SUCLA2: variants seen among roughly 807,000 people sequenced by gnomAD.
The protein encoded by SUCLA2 is succinate-CoA ligase ADP-forming subunit beta.
SUCLA2 carries 30 observed loss-of-function variants against 54.8 expected under a neutral mutation model. That is an observed-to-expected ratio of 0.55 (90% CI 0.41 to 0.74). The LOEUF is 0.74. SUCLA2 is among the 30% of genes least tolerant of loss of function. SUCLA2 has a pLI of 0.00. For synonymous variants in SUCLA2, 172 were observed against 188.9 expected (o/e 0.91, Z 0.74); for missense variants, 476 against 562.9 (o/e 0.85, Z 1.56).
chr13:47,967,142 A>T (rs1949925857), intron 6 of SUCLA2, among the ~76,000 whole-genome samples: 3 of 152,190 alleles, frequency 2.0e-5, no homozygotes. Flanking sequence ...GTGACTCAGT[A>T]TTAAGGTTTT....
intron 2 of SUCLA2, among the ~76,000 whole-genome samples, chr13:47,995,058 A>G (rs1198015638): frequency 1.3e-5 from 2 of 152,220 alleles, no homozygotes; most frequent in African/African-American, 4.8e-5. Flanking sequence ...TAAAGAAACC[A>G]ATTATAATAC....
chr13:47,952,285 G>C (rs1949782521), intron 8 of SUCLA2, among the ~76,000 whole-genome samples: 1 of 151,844 alleles, frequency 6.6e-6, no homozygotes, highest in African/African-American at 2.4e-5. Context: ...TTTTCATTTG[G>C]GTTTTCCTTC....
intron 1 of SUCLA2, 183 bp downstream of exon 1, chr13:48,000,997 C>T: frequency 6.9e-7 from 1 of 1,449,860 alleles, no homozygotes; most frequent in Non-Finnish European, 9.1e-7. Context: ...CAGAGCCGCG[C>T]AAACATGGGC....
chr13:47,998,897 C>T (rs182720651), intron 1 of SUCLA2, among the ~76,000 whole-genome samples: 22 of 152,218 alleles, frequency 1.4e-4, no homozygotes, highest in African/African-American at 2.6e-4. Flanking sequence ...ATAAATTATA[C>T]GTCAAAATAA....
At chr13:47,959,035 G>A (rs1949845318) in intron 6 of SUCLA2, among the ~76,000 whole-genome samples, 1 of 152,162 alleles carries the variant, frequency 6.6e-6, no homozygotes, top group Non-Finnish European at 1.5e-5. Flanking sequence ...TCTAAAAATT[G>A]TGGAACTGTT....
chr13:47,973,742 G>GGAAT (rs1949986647), intron 4 of SUCLA2, among the ~76,000 whole-genome samples: 1 of 152,114 alleles, frequency 6.6e-6, no homozygotes, highest in Admixed American at 6.5e-5. Context: ...CATATACCAT[G>GGAAT]GAATACTATG....
intron 10 of SUCLA2, among the ~76,000 whole-genome samples, chr13:47,947,418 T>C (rs11618397): frequency 0.73 from 110,926 of 152,084 alleles, 41,407 homozygotes; most frequent in Non-Finnish European, 0.82. Flanking sequence ...TAAAGGCAAA[T>C]AATCAGGTAA....
chr13:48,000,076 G>A (rs1032070506), intron 1 of SUCLA2, among the ~76,000 whole-genome samples: 10 of 150,086 alleles, frequency 6.7e-5, no homozygotes, highest in Middle Eastern at 3.2e-3. Flanking sequence ...CTTCTATCGG[G>A]AAGCAAACTC....
intron 4 of SUCLA2, among the ~76,000 whole-genome samples, chr13:47,973,752 G>A (rs968737920): frequency 2.6e-5 from 4 of 152,096 alleles, no homozygotes; most frequent in Non-Finnish European, 4.4e-5. Context: ...GGAATACTAT[G>A]CAGCCATAAA....
At chr13:47,961,698 T>G (rs1949872808) in intron 6 of SUCLA2, among the ~76,000 whole-genome samples, 1 of 150,170 alleles carries the variant, frequency 6.7e-6, no homozygotes. Flanking sequence ...TTCTACGACA[T>G]TCCTGAAATT....
intron 2 of SUCLA2, 126 bp from the exon 3 acceptor site, chr13:47,989,107 A>C: frequency 1.1e-6 from 1 of 936,496 alleles, no homozygotes; most frequent in Non-Finnish European, 1.7e-6. Context: ...CAATGTCCAA[A>C]AATAAGGCAT....
At chr13:47,949,883 T>TGTTAAATTTGGAATTA (rs1949762719) in intron 8 of SUCLA2, among the ~76,000 whole-genome samples, 4 of 152,330 alleles carry the variant, frequency 2.6e-5, no homozygotes, top group Admixed American at 2.6e-4. Flanking sequence ...ATTTACTTTC[T>TGTTAAATTTGGAATTA]CTTGTTAAAT....
rs781076033 is a variant in SUCLA2 at position 47,954,198 on chromosome 13, C to T, written c.1049G>A (p.Gly350Asp). The change falls in exon 8 of 11, where the codon GGT (glycine) becomes GAT (aspartate). Residue 350 changes from glycine (G) to aspartate (D), a missense_variant. By Grantham distance (94) the Gly-to-Asp change is moderately conservative. Around this residue, in one of 2 missense-constraint regions of SUCLA2, gnomAD observed 342 missense variants for 444.2 expected, o/e 0.77. Transcript: ENST00000646932. ...GTPANFLDVG[G>D]GATVHQVTEA... ...TGTTACTTGATGGACTGTAGCACCACCACCAACATCAAGGAAGTTGGCTGG... is the reference window on the plus strand; with the variant it reads ...TGTTACTTGATGGACTGTAGCACCATCACCAACATCAAGGAAGTTGGCTGG... 3 of 1,613,850 alleles carry T rather than the reference C, an allele frequency of 1.9e-6. No individual in the cohort carries two copies. Among genetic ancestry groups the T allele is most frequent in the Non-Finnish European group, 2.5e-6 (3 of 1,179,856 alleles).
intron 6 of SUCLA2, among the ~76,000 whole-genome samples, chr13:47,967,385 A>C (rs572406382): frequency 2.0e-5 from 3 of 152,332 alleles, no homozygotes; most frequent in Admixed American, 1.3e-4. Flanking sequence ...AGTAAAGCTA[A>C]AGTAAAATAT....
intron 1 of SUCLA2, among the ~76,000 whole-genome samples, chr13:47,999,596 A>T (rs1950214204): frequency 6.6e-6 from 1 of 151,994 alleles, no homozygotes; most frequent in African/African-American, 2.4e-5. Context: ...AGTCCCAGCT[A>T]CTAGGGAGGC....
At chr13:47,946,625 C>A (rs1949734625) in intron 10 of SUCLA2, among the ~76,000 whole-genome samples, 4 of 149,290 alleles carry the variant, frequency 2.7e-5, no homozygotes, top group African/African-American at 2.5e-5. Flanking sequence ...AACAATGAAA[C>A]TATACAAAGC....
At chr13:47,950,105 T>G (rs1333204096) in intron 8 of SUCLA2, among the ~76,000 whole-genome samples, 1 of 152,176 alleles carries the variant, frequency 6.6e-6, no homozygotes, top group Non-Finnish European at 1.5e-5. Flanking sequence ...TGCAGCAAGG[T>G]CAAGAAATAC....
At position 47,996,936 on chromosome 13, in the gene SUCLA2, T is replaced by C; in HGVS notation, c.178A>G (p.Ser60Gly). 2 of 1,614,098 alleles carry C rather than the reference T, an allele frequency of 1.2e-6. No individual in the cohort carries two copies. Among genetic ancestry groups the C allele is most frequent in the Non-Finnish European group, 1.7e-6 (2 of 1,179,976 alleles). Residue 60 changes from serine (S) to glycine (G), a missense_variant, in exon 2 of 11, where the codon AGT (serine) becomes GGT (glycine). Coordinates refer to ENST00000646932, the MANE Select transcript of SUCLA2 (RefSeq NM_003850.3). ...CCAGCTTCTTGCAATAATTCCATAC[T>C]CATGTATTCATGTAGTGAGAGATTC... ...QRNLSLHEYMSMELLQEAGVS... is the reference protein window; with the variant it reads ...QRNLSLHEYMGMELLQEAGVS...
intron 8 of SUCLA2, among the ~76,000 whole-genome samples, chr13:47,953,819 T>C (rs1949795395): frequency 6.6e-6 from 1 of 152,108 alleles, no homozygotes; most frequent in South Asian, 2.1e-4. Flanking sequence ...TTAACAAATA[T>C]CTAGTGATTA....
Sources: allele counts gnomAD v4.1 joint callset (sites outside exome capture counted in the v4.1 genomes callset), GRCh38; gene constraint gnomAD v4.1.1; regional missense constraint gnomAD v4.1.1; transcripts MANE v1.5; gene names NCBI Gene and HGNC (gene_info 2026-07-23, HGNC 2026-07-21).